The following UMAD1 variants were observed in gnomAD, a reference collection of about 807,000 sequenced individuals.
UMAD1 encodes the protein UBAP1-MVB12-associated (UMA)-domain containing protein 1.
Under a neutral mutation model 6.1 loss-of-function variants are expected in UMAD1, and 8 were observed. The ratio of observed to expected loss-of-function variants is 1.30; its 90% CI spans 0.76 to 2.35. The LOEUF is 2.35. UMAD1 is among the 30% of genes most tolerant of loss of function. The pLI is 0.00. For synonymous variants in UMAD1, 56 were observed against 31.4 expected, an observed-to-expected ratio of 1.78 and a Z score of -2.61; for missense variants, 130 against 78.4, an observed-to-expected ratio of 1.66 and a Z score of -2.49.
Position 7,671,120 on chromosome 7 carries a change from A to G in UMAD1, c.-63-2189A>G, listed in dbSNP as rs28915996. Reference sequence around the variant, plus strand: ...GTTTTAAGCATTCAATAATCATATTACTCTTTGAATTGAGACCAGATTATT... The same window carrying G: ...GTTTTAAGCATTCAATAATCATATTGCTCTTTGAATTGAGACCAGATTATT... On this transcript the variant is annotated intron_variant, in intron 1 of 3. Transcript: ENST00000682710. Among the ~76,000 whole-genome samples the G allele has an allele frequency of 6.7e-4, 102 of 152,218 alleles. 1 individual carries two copies. In the East Asian group the frequency reaches 0.018, roughly 27 times the overall value.
intron 2 of UMAD1, among the ~76,000 whole-genome samples, chr7:7,761,315 T>C (rs1029508172): frequency 7.0e-6 from 1 of 143,042 alleles, no homozygotes; most frequent in Non-Finnish European, 1.5e-5. Flanking sequence ...CAGTGAGCTG[T>C]GATCGTGTCA....
intron 3 of UMAD1, 36 bp from the exon 4 acceptor site, chr7:7,877,245 A>G: frequency 1.4e-6 from 1 of 694,094 alleles, no homozygotes; most frequent in Non-Finnish European, 2.7e-6. Flanking sequence ...CTCAAAGTTC[A>G]CAAGGCCTAA....
intron 1 of UMAD1, among the ~76,000 whole-genome samples, chr7:7,668,381 C>G (rs960184383): frequency 6.6e-5 from 10 of 152,034 alleles, no homozygotes; most frequent in Non-Finnish European, 1.5e-4. Context: ...TTTATGAGTA[C>G]AGTACTATAA....
chr7:7,729,076 G>A (rs1016510943), intron 2 of UMAD1, among the ~76,000 whole-genome samples: 2 of 152,188 alleles, frequency 1.3e-5, no homozygotes, highest in African/African-American at 2.4e-5. Context: ...TATTTGTGTC[G>A]GAAATGGAAA....
chr7:7,684,173 A>T (rs1428649288), intron 2 of UMAD1, among the ~76,000 whole-genome samples: 1 of 152,300 alleles, frequency 6.6e-6, no homozygotes, highest in Middle Eastern at 3.4e-3. Context: ...TAATGACAAG[A>T]AAAGAAGCCT....
At chr7:7,832,428 C>A (rs1267455556) in intron 3 of UMAD1, among the ~76,000 whole-genome samples, 1 of 152,088 alleles carries the variant, frequency 6.6e-6, no homozygotes, top group Admixed American at 6.6e-5. Context: ...TCCTCTCTTC[C>A]CAGATATGGC....
chr7:7,647,534 G>A (rs760529055), intron 1 of UMAD1, among the ~76,000 whole-genome samples: 2 of 152,122 alleles, frequency 1.3e-5, no homozygotes, highest in African/African-American at 2.4e-5. Flanking sequence ...CTCAATTATC[G>A]ATAAATATGT....
intron 1 of UMAD1, among the ~76,000 whole-genome samples, chr7:7,662,567 G>C (rs1433596887): frequency 6.6e-6 from 1 of 152,186 alleles, no homozygotes; most frequent in African/African-American, 2.4e-5. Flanking sequence ...GGCTAGGGGA[G>C]GGAGTTTCCC....
At chr7:7,821,219 C>T (rs6979360) in intron 3 of UMAD1, among the ~76,000 whole-genome samples, 3 of 152,112 alleles carry the variant, frequency 2.0e-5, no homozygotes, top group Non-Finnish European at 2.9e-5. Context: ...CTGCCTAATG[C>T]AGTCACCACT....
At chr7:7,873,297 C>G (rs894632097) in intron 3 of UMAD1, among the ~76,000 whole-genome samples, 5 of 152,158 alleles carry the variant, frequency 3.3e-5, no homozygotes, top group African/African-American at 4.8e-5. Context: ...GTGATCAAAG[C>G]CCCGGTGCAT....
At chr7:7,742,554 C>T (rs1264017491) in intron 2 of UMAD1, 11 of 519,772 alleles carry the variant, frequency 2.1e-5, no homozygotes, top group Non-Finnish European at 2.3e-5. Context: ...TCTTCGCTTT[C>T]GGCGCCATCT....
chr7:7,772,730 C>A (rs1375206633), intron 2 of UMAD1, among the ~76,000 whole-genome samples: 1 of 152,158 alleles, frequency 6.6e-6, no homozygotes, highest in African/African-American at 2.4e-5. Flanking sequence ...GCAGCTGCGC[C>A]CGTTTTCTCT....
chr7:7,846,764 G>C (rs565500932), intron 3 of UMAD1, among the ~76,000 whole-genome samples: 5 of 151,768 alleles, frequency 3.3e-5, no homozygotes, highest in Non-Finnish European at 7.4e-5. Context: ...TGGAAATTGA[G>C]TCACATAAGT....
intron 3 of UMAD1, among the ~76,000 whole-genome samples, chr7:7,822,900 CAT>C (rs781652490): frequency 5.9e-5 from 9 of 151,554 alleles, no homozygotes; most frequent in Non-Finnish European, 8.8e-5. Flanking sequence ...TTTTAGGTGA[CAT>C]GTGTTTAGAA....
At chr7:7,824,224 A>G (rs1188438940) in intron 3 of UMAD1, among the ~76,000 whole-genome samples, 1 of 151,822 alleles carries the variant, frequency 6.6e-6, no homozygotes, top group African/African-American at 2.4e-5. Context: ...CTCCAGCCTC[A>G]CTCCATTCCA....
intron 3 of UMAD1, among the ~76,000 whole-genome samples, chr7:7,824,082 C>T (rs1382925008): frequency 1.3e-5 from 2 of 152,056 alleles, no homozygotes; most frequent in African/African-American, 4.8e-5. Flanking sequence ...TTTAACCTTC[C>T]TTTCCTTTCC....
Position 7,847,100 on chromosome 7 carries a change from AAAAAATATATATATATAT to A in UMAD1, c.157-30179_157-30162del, listed in dbSNP as rs1385089089. Among the ~76,000 whole-genome samples the A allele has an allele frequency of 2.3e-3, 88 of 38,442 alleles. 9 individuals are homozygous for A. Among genetic ancestry groups the A allele is most frequent in the African/African-American group, 0.014 (75 of 5,476 alleles). The allele number at this position is 38,442 out of a possible 152,430, so 25.2% of individuals were successfully genotyped here. A position where few individuals can be genotyped will look rare whatever the true frequency, so the allele number is the denominator to read the frequency against. The stretch of plus-strand genomic sequence containing the variant: ...AAGACAGCAATGCAAAAAAAAAAAA[AAAAAATATATATATATAT>A]ATATATATATATATATATATATATA... On this transcript the variant is annotated intron_variant, in intron 3 of 3. Transcript: ENST00000682710.
At chr7:7,801,647 T>C in intron 2 of UMAD1, 23 bp from the exon 3 acceptor site, 1 of 712,658 alleles carries the variant, frequency 1.4e-6, no homozygotes, top group South Asian at 1.5e-5. Context: ...GTTTTAAAAA[T>C]AGACATATAT....
intron 2 of UMAD1, among the ~76,000 whole-genome samples, chr7:7,785,720 A>T (rs1782449465): frequency 6.6e-6 from 1 of 152,210 alleles, no homozygotes. Context: ...GCCAGCATAC[A>T]AAAGAGCCAG....
Sources: allele counts gnomAD v4.1 joint callset (sites outside exome capture counted in the v4.1 genomes callset), GRCh38; gene constraint gnomAD v4.1.1; transcripts MANE v1.5; gene names NCBI Gene and HGNC (gene_info 2026-07-23, HGNC 2026-07-21).